Variants in TCTN1 observed in about 807,000 individuals in gnomAD.
The protein encoded by TCTN1 is tectonic-1.
In TCTN1, 58 loss-of-function variants were observed where a neutral mutation model predicts 65.8. The ratio of observed to expected loss-of-function variants is 0.88; its 90% CI spans 0.71 to 1.10. The LOEUF (loss-of-function observed/expected upper bound fraction) is 1.10, where lower values mean the gene tolerates loss of function less well. Among genes scored for constraint, TCTN1 ranks in the 50% least tolerant of loss-of-function variants. The pLI is 0.00. For missense variants in TCTN1, 645 were observed against 719.4 expected, an observed-to-expected ratio of 0.90 and a Z score of 1.18; for synonymous variants, 273 against 289.1, an observed-to-expected ratio of 0.94 and a Z score of 0.57.
At chr12:110,625,196 T>C (rs766990078) in intron 2 of TCTN1, among the ~76,000 whole-genome samples, 10 of 152,244 alleles carry the variant, frequency 6.6e-5, no homozygotes, top group Non-Finnish European at 1.5e-4. Context: ...AATTATACCC[T>C]GATCTACGTT....
intron 4 of TCTN1, chr12:110,630,292 T>C (rs371592829): frequency 6.6e-6 from 1 of 152,236 alleles, no homozygotes; most frequent in Non-Finnish European, 1.5e-5. Context: ...TGTGATAAAC[T>C]TGTATTTTGT....
At chr12:110,618,409 T>G (rs1428940908) in intron 1 of TCTN1, among the ~76,000 whole-genome samples, 2 of 152,120 alleles carry the variant, frequency 1.3e-5, no homozygotes, top group African/African-American at 4.8e-5. Context: ...CCCAGCTAGT[T>G]TTTATATTGT....
In TCTN1 at chr12:110,644,196, A is replaced by G. The variant is rs1270791603; in HGVS notation, c.1332-771A>G. The G allele has an allele frequency of 6.6e-6, 1 of 152,296 alleles. No homozygotes were observed. Among genetic ancestry groups the G allele is most frequent in the East Asian group, 1.9e-4 (1 of 5,198 alleles). The allele number at this position is 152,296 out of a possible 1,614,324, so 9.4% of individuals were successfully genotyped here. A position where few individuals can be genotyped will look rare whatever the true frequency, so the allele number is the denominator to read the frequency against. ...AGGGACATGGGGATGTGGAGGTTCA[A>G]TGCTTCCCCAACTTTGGCCATGAAA... On this transcript the variant is annotated intron_variant, in intron 11 of 14. Coordinates refer to ENST00000397659, the MANE Select transcript of TCTN1 (RefSeq NM_001082538.3). This position sits in a 1 kb window ranked among gnomAD's most constrained non-coding sequence, Gnocchi z 4.6.
chr12:110,614,354 A>T lies in TCTN1; in HGVS notation c.172A>T (p.Arg58Trp). Residue 58 changes from arginine (R) to tryptophan (W), a missense_variant, in exon 1 of 15, where the codon AGG becomes TGG. Coordinates refer to ENST00000397659, the MANE Select transcript of TCTN1 (RefSeq NM_001082538.3). ...GTCGACCAGGCCCCCCGGGACTCCC[A>T]GGGCTCCAGGGCCCTCCTCCGGCCC... The part of the protein sequence containing the change: ...FPSTRPPGTP[R>W]APGPSSGPRP... 6.2e-7 allele frequency: 1 copy of T among 1,606,722 alleles called. No homozygotes were observed. The highest frequency in any genetic ancestry group is 8.5e-7 in the Non-Finnish European group (1 of 1,177,396).
At chr12:110,627,839 A>G (rs1358126185) in intron 3 of TCTN1, 5 of 601,852 alleles carry the variant, frequency 8.3e-6, no homozygotes. Flanking sequence ...CAAAGATCAG[A>G]GACACGTTTA....
At chr12:110,619,979 C>A in intron 2 of TCTN1, 23 bp downstream of exon 2, 1 of 1,614,094 alleles carries the variant, frequency 6.2e-7, no homozygotes, top group African/African-American at 1.3e-5. Context: ...ATGACACATG[C>A]AATTTTGAAA....
rs575159541 is a variant in TCTN1, at chr12:110,632,407, G to C, written c.625-65G>C. The C allele has an allele frequency of 1.2e-5, 19 of 1,540,990 alleles. No individual in the cohort carries two copies. The East Asian group carries it at 4.1e-4, about 33-fold the overall frequency. On this transcript the variant is annotated intron_variant, in intron 4 of 14. Transcript: ENST00000397659. ...CAGTGCTGCTTGGCACATTGTGGGT[G>C]CCCAGTAAGTGTTGAATGAATACTT...
At chr12:110,623,630 T>C (rs1462452124) in intron 2 of TCTN1, among the ~76,000 whole-genome samples, 1 of 152,098 alleles carries the variant, frequency 6.6e-6, no homozygotes, top group African/African-American at 2.4e-5. Flanking sequence ...TTGGGGAAAA[T>C]TAGAAACCTA....
Position 110,614,277 on chromosome 12 carries a change from C to CA in TCTN1, c.96dup (p.Glu33ArgfsTer49). On this transcript the variant is annotated frameshift_variant, in exon 1 of 15. Transcript: ENST00000397659. LOFTEE classifies it high-confidence loss of function. ...ACCGATGCCACCCCGGCGGTGACGA[C>CA]AGAGGGCCTCAACTCCACCGAGGCA... is the stretch of plus-strand genomic sequence containing the variant. 1 of 1,596,134 alleles carries CA rather than the reference C, an allele frequency of 6.3e-7. No individual in the cohort carries two copies. The highest frequency in any genetic ancestry group is 2.3e-5 in the East Asian group (1 of 44,268).
intron 10 of TCTN1, 132 bp downstream of exon 10, chr12:110,641,759 C>A: frequency 1.1e-6 from 1 of 934,160 alleles, no homozygotes; most frequent in Non-Finnish European, 1.7e-6. Context: ...GAGCTTCCTG[C>A]AGGCGGCTCT....
Position 110,640,614 on chromosome 12 carries a change from C to T in TCTN1, c.978+97C>T, listed in dbSNP as rs1308616783. ...GACGCCCTCCGAGGACGCTCTGTCCCAGCCCATGGTGTGGCTTTTCTTGGC... is the reference window on the plus strand; with the variant it reads ...GACGCCCTCCGAGGACGCTCTGTCCTAGCCCATGGTGTGGCTTTTCTTGGC... On this transcript the variant is annotated intron_variant, in intron 8 of 14. Transcript: ENST00000397659. The surrounding 1 kb of genome is among the most constrained non-coding windows in gnomAD (Gnocchi z 4.9). 8 of 1,574,620 alleles carry T rather than the reference C, an allele frequency of 5.1e-6. No individual in the cohort carries two copies. Among genetic ancestry groups the T allele is most frequent in the East Asian group, 2.2e-5 (1 of 44,654 alleles).
intron 4 of TCTN1, chr12:110,629,135 A>G (rs891323767): frequency 1.3e-5 from 8 of 625,228 alleles, no homozygotes; most frequent in African/African-American, 3.7e-5. Flanking sequence ...CTAAAACCAT[A>G]CAAACCCTAG....
Position 110,640,430 on chromosome 12 carries a change from G to A in TCTN1, c.891G>A (p.Thr297=), listed in dbSNP as rs750434991. Residue 297 remains threonine, a synonymous_variant, in exon 8 of 15, where the codon ACG becomes ACA. Transcript: ENST00000397659. The surrounding 1 kb of genome is among the most constrained non-coding windows in gnomAD (Gnocchi z 4.9). Reference sequence around the variant, plus strand: ...TCGTCATTCAGTCTCTAAATAAAACGCTCACCCGACGGGAGGACACTGATG... The same window carrying A: ...TCGTCATTCAGTCTCTAAATAAAACACTCACCCGACGGGAGGACACTGATG... ...QSIVIQSLNK[T]LTRREDTDVL... 1.2e-6 allele frequency: 2 copies of A among 1,613,950 alleles called. No homozygotes were observed. The highest frequency in any genetic ancestry group is 1.1e-5 in the South Asian group (1 of 91,080).
Position 110,647,228 on chromosome 12 carries a change from A to C in TCTN1, c.1527A>C (p.Pro509=), listed in dbSNP as rs2067387144. The change falls in exon 13 of 15, where the codon CCA becomes CCC. Residue 509 remains proline (P), a synonymous_variant. Coordinates refer to ENST00000397659, the MANE Select transcript of TCTN1 (RefSeq NM_001082538.3). Reference sequence around the variant, plus strand: ...TTTTGCAGGATTCCTGCCAGCTCCCAGGGGCTTTGGTTATAGAAGTGAAGT... The same window carrying C: ...TTTTGCAGGATTCCTGCCAGCTCCCCGGGGCTTTGGTTATAGAAGTGAAGT... ...HFVLQDSCQL[P]GALVIEVKWT... is the part of the protein sequence containing the mutation. 6.2e-7 allele frequency: 1 copy of C among 1,614,058 alleles called. No individual in the cohort carries two copies. Among genetic ancestry groups the C allele is most frequent in the African/African-American group, 1.3e-5 (1 of 74,930 alleles).
chr12:110,647,845 G>C lies in TCTN1; in HGVS notation c.1732G>C (p.Ala578Pro). 2 of 1,614,164 alleles carry C rather than the reference G, an allele frequency of 1.2e-6. No homozygotes were observed. The highest frequency in any genetic ancestry group is 1.7e-6 in the Non-Finnish European group (2 of 1,180,036). The part of the protein sequence containing the change: ...PAEAGFRAPP[A>P]INARLPFNFF... Reference sequence around the variant, plus strand: ...AGAGGCAGGCTTCAGAGCTCCACCAGCCATCAATGCCAGGCTGCCCTTTAA... The same window carrying C: ...AGAGGCAGGCTTCAGAGCTCCACCACCCATCAATGCCAGGCTGCCCTTTAA... Residue 578 changes from alanine to proline, a missense_variant, in exon 14 of 15, where the codon GCC (alanine) becomes CCC (proline). Transcript: ENST00000397659.
At chr12:110,634,037 C>G (rs1383244737) in intron 5 of TCTN1, among the ~76,000 whole-genome samples, 1 of 151,984 alleles carries the variant, frequency 6.6e-6, no homozygotes, top group Non-Finnish European at 1.5e-5. Flanking sequence ...ACTAATTATC[C>G]CCAAGAAAGG....
intron 10 of TCTN1, 98 bp downstream of exon 10, chr12:110,641,725 G>T: frequency 7.8e-7 from 1 of 1,280,304 alleles, no homozygotes; most frequent in Middle Eastern, 2.2e-4. Flanking sequence ...GGCTGCTTGT[G>T]GGAAGGAGAG....
intron 13 of TCTN1, 152 bp from the exon 14 acceptor site, chr12:110,647,597 C>A: frequency 8.1e-7 from 1 of 1,233,878 alleles, no homozygotes; most frequent in Non-Finnish European, 1.2e-6. Flanking sequence ...AATTGTTTCT[C>A]TCATCCAAGT....
intron 6 of TCTN1, chr12:110,635,974 T>C (rs1348975068): frequency 1.8e-5 from 3 of 171,316 alleles, no homozygotes; most frequent in Admixed American, 5.5e-5. Flanking sequence ...CCTCCCCACG[T>C]TTCTCAGTGG....
Sources: allele counts gnomAD v4.1 joint callset (sites outside exome capture counted in the v4.1 genomes callset), GRCh38; gene constraint gnomAD v4.1.1; non-coding constraint Gnocchi (gnomAD v3.1); transcripts MANE v1.5; gene names NCBI Gene and HGNC (gene_info 2026-07-23, HGNC 2026-07-21).